DNM3: variants seen among roughly 807,000 people sequenced by gnomAD.
DNM3 encodes the protein dynamin-3.
Under a neutral mutation model 101.6 loss-of-function variants are expected in DNM3, and 47 were observed. That is an observed-to-expected ratio of 0.46 (90% CI 0.37 to 0.59). DNM3 has a LOEUF of 0.59. DNM3 is among the 20% of genes least tolerant of loss of function. The probability of loss-of-function intolerance (pLI) is 0.00; values close to 1 mark genes in which losing one functional copy is unlikely to be tolerated. For missense variants in DNM3, 849 were observed against 1,085.7 expected (o/e 0.78, Z 3.06); for synonymous variants, 385 against 387.9 (o/e 0.99, Z 0.09).
At chr1:172,065,242 G>C (rs2051559529) in intron 10 of DNM3, among the ~76,000 whole-genome samples, 1 of 152,162 alleles carries the variant, frequency 6.6e-6, no homozygotes, top group Non-Finnish European at 1.5e-5. Flanking sequence ...ACTTTCTGCT[G>C]TAATCTATTT....
intron 1 of DNM3, among the ~76,000 whole-genome samples, chr1:171,862,635 A>G (rs576462521): frequency 6.6e-6 from 1 of 152,284 alleles, no homozygotes; most frequent in Non-Finnish European, 1.5e-5. Context: ...GGTGATAAAA[A>G]TATTCTGGAA....
chr1:172,371,902 A>G (rs2068350593), intron 17 of DNM3, among the ~76,000 whole-genome samples: 1 of 138,390 alleles, frequency 7.2e-6, no homozygotes. Context: ...TTATTTATTT[A>G]TTTATTTATT....
At chr1:172,370,666 G>T (rs553139426) in intron 17 of DNM3, among the ~76,000 whole-genome samples, 8 of 152,034 alleles carry the variant, frequency 5.3e-5, no homozygotes, top group African/African-American at 1.4e-4. Flanking sequence ...TTAGGTAGTA[G>T]TATTACTCTA....
At chr1:172,320,218 T>C (rs1573456107) in intron 16 of DNM3, among the ~76,000 whole-genome samples, 1 of 145,926 alleles carries the variant, frequency 6.9e-6, no homozygotes, top group African/African-American at 2.6e-5. Context: ...AACATCACAC[T>C]CTGGGGACTG....
intron 14 of DNM3, among the ~76,000 whole-genome samples, chr1:172,182,875 G>A (rs2059396302): frequency 6.6e-6 from 1 of 152,142 alleles, no homozygotes; most frequent in African/African-American, 2.4e-5. Flanking sequence ...TATGAGAATA[G>A]TATCAGCACT....
At chr1:172,065,855 A>G (rs2051614785) in intron 10 of DNM3, among the ~76,000 whole-genome samples, 1 of 152,218 alleles carries the variant, frequency 6.6e-6, no homozygotes, top group African/African-American at 2.4e-5. Context: ...AGTTATTGCT[A>G]TTAACACTTT....
chr1:172,322,907 G>A (rs1340829429), intron 16 of DNM3, among the ~76,000 whole-genome samples: 1 of 151,676 alleles, frequency 6.6e-6, no homozygotes, highest in African/African-American at 2.4e-5. Context: ...TCCACTGCTT[G>A]GCATGTTGGA....
intron 2 of DNM3, among the ~76,000 whole-genome samples, chr1:171,972,728 A>G (rs1571897457): frequency 6.6e-6 from 1 of 152,194 alleles, no homozygotes; most frequent in African/African-American, 2.4e-5. Flanking sequence ...GCATGCCTCT[A>G]ATTCCAGCTA....
chr1:172,235,692 G>C (rs28507299), intron 14 of DNM3, among the ~76,000 whole-genome samples: 25,350 of 152,102 alleles, frequency 0.17, 2,487 homozygotes, highest in East Asian at 0.28. Flanking sequence ...CATGTCCTTT[G>C]TAGGGACATG....
At chr1:172,398,726 G>C (rs1197475202) in intron 20 of DNM3, among the ~76,000 whole-genome samples, 1 of 152,172 alleles carries the variant, frequency 6.6e-6, no homozygotes, top group Non-Finnish European at 1.5e-5. Flanking sequence ...ATTTCTCCAG[G>C]ATGATGGTAG....
At chr1:172,144,278 G>C (rs1043517354) in intron 14 of DNM3, 5 of 163,352 alleles carry the variant, frequency 3.1e-5, no homozygotes, top group African/African-American at 1.2e-4. Context: ...ATGTACCTCT[G>C]TTTCCCTTGC....
At chr1:172,182,817 A>G (rs929725652) in intron 14 of DNM3, among the ~76,000 whole-genome samples, 38 of 152,132 alleles carry the variant, frequency 2.5e-4, no homozygotes, top group Admixed American at 1.9e-3. Flanking sequence ...CATTGCAGGA[A>G]GGCTTAAGGA....
chr1:171,886,795 T>C (rs1319777577), intron 1 of DNM3, among the ~76,000 whole-genome samples: 1 of 152,226 alleles, frequency 6.6e-6, no homozygotes, highest in South Asian at 2.1e-4. Context: ...TTATAAGGCA[T>C]TTGATTAATG....
At chr1:172,347,236 C>T (rs2066987433) in intron 17 of DNM3, among the ~76,000 whole-genome samples, 1 of 151,840 alleles carries the variant, frequency 6.6e-6, no homozygotes, top group South Asian at 2.1e-4. Flanking sequence ...TGTAAAAATG[C>T]AAATTCGACC....
At chr1:172,226,821 A>G (rs1453631869) in intron 14 of DNM3, among the ~76,000 whole-genome samples, 1 of 152,150 alleles carries the variant, frequency 6.6e-6, no homozygotes, top group Non-Finnish European at 1.5e-5. Context: ...CATTTGTGAA[A>G]GCATTTCTTT....
intron 2 of DNM3, among the ~76,000 whole-genome samples, chr1:171,983,066 A>G (rs1157253738): frequency 6.6e-6 from 1 of 151,998 alleles, no homozygotes. Context: ...TGAGCATGCC[A>G]TTAATTTGCC....
chr1:172,034,596 A>ATT (rs150565966), intron 6 of DNM3, among the ~76,000 whole-genome samples: 16 of 150,372 alleles, frequency 1.1e-4, no homozygotes, highest in African/African-American at 2.7e-4. Flanking sequence ...AAATTGAATG[A>ATT]TTTTTTTTTT....
At chr1:172,225,434 C>T (rs1258443141) in intron 14 of DNM3, among the ~76,000 whole-genome samples, 4 of 151,972 alleles carry the variant, frequency 2.6e-5, no homozygotes, top group Admixed American at 6.6e-5. Flanking sequence ...CGTACCCGAC[C>T]GTCCCTCCTT....
chr1:172,035,674 T>C (rs2048903766), intron 6 of DNM3, among the ~76,000 whole-genome samples: 1 of 152,180 alleles, frequency 6.6e-6, no homozygotes, highest in Non-Finnish European at 1.5e-5. Context: ...CCAGTTCACA[T>C]GGCAATCAGT....
Sources: allele counts gnomAD v4.1 joint callset (sites outside exome capture counted in the v4.1 genomes callset), GRCh38; gene constraint gnomAD v4.1.1; transcripts MANE v1.5; gene names NCBI Gene and HGNC (gene_info 2026-07-23, HGNC 2026-07-21).